The following SLCO4A1 variants were observed in gnomAD, a reference collection of about 807,000 sequenced individuals.
SLCO4A1 encodes the protein colon organic anion transporter.
Under a neutral mutation model 64.6 loss-of-function variants are expected in SLCO4A1, and 51 were observed. That is an observed-to-expected ratio of 0.79 (90% CI 0.63 to 1.00). The LOEUF (loss-of-function observed/expected upper bound fraction) is 1.00. Ranked by LOEUF, SLCO4A1 falls within the 50% of genes least tolerant of loss-of-function variation. The probability of loss-of-function intolerance (pLI) is 0.00; values close to 1 mark genes in which losing one functional copy is unlikely to be tolerated. For synonymous variants in SLCO4A1, 471 were observed against 444.9 expected, an observed-to-expected ratio of 1.06 and a Z score of -0.74; for missense variants, 919 against 980.5, an observed-to-expected ratio of 0.94 and a Z score of 0.84.
chr20:62,668,037 C>T lies in SLCO4A1; in HGVS notation c.1664C>T (p.Pro555Leu). ...GTGTACCGAGACTGTAGCTGTATCCCTCAGAATCTTTCCTCTGGTTTTGGC... is the reference window on the plus strand; with the variant it reads ...GTGTACCGAGACTGTAGCTGTATCCTTCAGAATCTTTCCTCTGGTTTTGGC... ...QKVYRDCSCI[P>L]QNLSSGFGHA... The change falls in exon 9 of 12, where the codon CCT (proline) becomes CTT (leucine). Residue 555 changes from proline (P) to leucine (L), a missense_variant. Pro to Leu is a moderately conservative substitution (Grantham distance 98, BLOSUM62 -3). Coordinates refer to ENST00000217159, the MANE Select transcript of SLCO4A1 (RefSeq NM_016354.4). 1 of 1,614,030 alleles carries T rather than the reference C, an allele frequency of 6.2e-7. No individual in the cohort carries two copies. The highest frequency in any genetic ancestry group is 8.5e-7 in the Non-Finnish European group (1 of 1,180,024).
intron 1 of SLCO4A1, among the ~76,000 whole-genome samples, chr20:62,648,525 C>T (rs1981832306): frequency 6.6e-6 from 1 of 152,046 alleles, no homozygotes. Context: ...GCCGTGTGGC[C>T]GGAGCCCCAG....
At chr20:62,664,256 C>T (rs1985649664) in intron 5 of SLCO4A1, among the ~76,000 whole-genome samples, 1 of 151,974 alleles carries the variant, frequency 6.6e-6, no homozygotes, top group Admixed American at 6.5e-5. Context: ...GTTGAGGCCT[C>T]ACCACCCCCA....
At chr20:62,690,147 G>A (rs1056065037), downstream of SLCO4A1, among the ~76,000 whole-genome samples, 1 of 152,168 alleles carries the variant, frequency 6.6e-6, no homozygotes, top group Non-Finnish European at 1.5e-5. Flanking sequence ...CCCCTCCCTC[G>A]CATCGGCCAC....
rs1473515259 is a variant in SLCO4A1 at position 62,654,381 on chromosome 20, G to A, written c.-96-1978G>A. Among the ~76,000 whole-genome samples, 3 of 152,218 alleles carry A rather than the reference G, an allele frequency of 2.0e-5. No individual in the cohort carries two copies. The East Asian group carries it at 5.8e-4, about 29-fold the overall frequency. ...GTGAACGTGACTGCCCGGGGAACAC[G>A]GGGGGCACCGGTCCGCCCACCCCAG... On this transcript the variant is annotated intron_variant, in intron 1 of 11. Transcript: ENST00000217159.
intron 1 of SLCO4A1, chr20:62,649,344 G>C (rs938078797): frequency 6.6e-6 from 1 of 152,286 alleles, no homozygotes; most frequent in Non-Finnish European, 1.5e-5. Context: ...CCACCCTGGG[G>C]AGGGCCACCC....
At chr20:62,679,854 T>C (rs886702419) in intron 2 of SLCO4A1, among the ~76,000 whole-genome samples, 26 of 152,356 alleles carry the variant, frequency 1.7e-4, no homozygotes, top group Admixed American at 8.5e-4. Context: ...AAAACTCCTC[T>C]GTTAAAACGT....
Position 62,668,509 on chromosome 20 carries a change from T to G in SLCO4A1, c.1844T>G (p.Leu615Arg). The part of the protein sequence containing the change: ...CVRDPQRSFA[L>R]GIQWIVVRIL... The stretch of plus-strand genomic sequence containing the variant: ...CGTGACCCTCAGAGATCCTTTGCCC[T>G]GGGAATCCAGTGGATTGTAGTTAGA... The change falls in exon 10 of 12, where the codon CTG becomes CGG. Residue 615 changes from leucine (L) to arginine (R), a missense_variant. Leu to Arg is a moderately radical substitution (Grantham distance 102). Transcript: ENST00000217159. 1 of 1,613,958 alleles carries G rather than the reference T, an allele frequency of 6.2e-7. No individual in the cohort carries two copies. Among genetic ancestry groups the G allele is most frequent in the Non-Finnish European group, 8.5e-7 (1 of 1,179,968 alleles).
chr20:62,672,115 G>A lies in SLCO4A1; in HGVS notation c.*222G>A. 4.9e-6 allele frequency: 7 copies of A among 1,429,008 alleles called. No homozygotes were observed. Among genetic ancestry groups the A allele is most frequent in the Non-Finnish European group, 6.4e-6 (7 of 1,090,052 alleles). 88.5% of individuals were successfully genotyped at this position (1,429,008 alleles called of 1,614,324 possible). A position where few individuals can be genotyped will look rare whatever the true frequency, so the allele number is the denominator to read the frequency against. ...ATATATATTTATGGACACACAGTTTGCATCAGAACGTGTTTATAGAATGTG... is the reference window on the plus strand; with the variant it reads ...ATATATATTTATGGACACACAGTTTACATCAGAACGTGTTTATAGAATGTG... On this transcript the variant is annotated 3_prime_UTR_variant, in exon 12 of 12. Coordinates refer to ENST00000217159, the MANE Select transcript of SLCO4A1 (RefSeq NM_016354.4).
At position 62,664,988 on chromosome 20, in the gene SLCO4A1, G is replaced by A. The variant is rs1159559281; in HGVS notation, c.1176G>A (p.Gly392=). The A allele has an allele frequency of 6.2e-7, 1 of 1,613,784 alleles. No homozygotes were observed. The highest frequency in any genetic ancestry group is 1.1e-5 in the South Asian group (1 of 91,064). ...CGTTCATCCTGCTCTGCCTGGCCGGGGCCACCGAGGCCACTCTCATCACCG... is the reference window on the plus strand; with the variant it reads ...CGTTCATCCTGCTCTGCCTGGCCGGAGCCACCGAGGCCACTCTCATCACCG... ...NPTFILLCLA[G]ATEATLITGM... The change falls in exon 6 of 12, where the codon GGG becomes GGA. Residue 392 remains glycine (G), a synonymous_variant. Coordinates refer to ENST00000217159, the MANE Select transcript of SLCO4A1 (RefSeq NM_016354.4).
chr20:62,682,169 AG>A (rs1206913160), intron 2 of SLCO4A1, among the ~76,000 whole-genome samples: 1 of 152,206 alleles, frequency 6.6e-6, no homozygotes, highest in Non-Finnish European at 1.5e-5. Context: ...TTAGCTTGTC[AG>A]GGGCAGATAA....
At chr20:62,658,255 G>A (rs1191873270) in intron 2 of SLCO4A1, among the ~76,000 whole-genome samples, 1 of 152,242 alleles carries the variant, frequency 6.6e-6, no homozygotes, top group South Asian at 2.1e-4. Context: ...TCACTCCAGC[G>A]AGGGGACGTC....
chr20:62,674,459 G>T (rs1390254295), downstream of SLCO4A1, among the ~76,000 whole-genome samples: 3 of 152,364 alleles, frequency 2.0e-5, no homozygotes, highest in South Asian at 4.1e-4. Flanking sequence ...GGGAAAGGGG[G>T]GAAGAGCCCA....
chr20:62,667,644 G>T (rs1023618603), intron 7 of SLCO4A1, 101 bp from the exon 8 acceptor site: 2 of 1,398,128 alleles, frequency 1.4e-6, no homozygotes, highest in East Asian at 2.3e-5. Flanking sequence ...GACCCGAAAT[G>T]CAGGCTGCAT....
chr20:62,657,505 A>C (rs528388044), intron 2 of SLCO4A1, among the ~76,000 whole-genome samples: 35 of 152,310 alleles, frequency 2.3e-4, no homozygotes, highest in African/African-American at 8.2e-4. Context: ...CCTCAGTGCA[A>C]CCCCTGCGTG....
In SLCO4A1 at chr20:62,660,496, C is replaced by A. The variant is rs372932311; in HGVS notation, c.972C>A (p.Thr324=). The A allele has an allele frequency of 8.1e-6, 13 of 1,605,436 alleles. No individual in the cohort carries two copies. Among genetic ancestry groups the A allele is most frequent in the African/African-American group, 2.7e-5 (2 of 74,894 alleles). Residue 324 remains threonine, a synonymous_variant, in exon 4 of 12, where the codon ACC becomes ACA. Transcript: ENST00000217159. ...FLGSGAAAFF[T]AVPILGYPRQ... ...GCTCTGGGGCCGCTGCTTTCTTCAC[C>A]GCCGTTCCCATCCTTGGTTACCCTC...
At chr20:62,652,421 C>T (rs979118921) in intron 1 of SLCO4A1, among the ~76,000 whole-genome samples, 8 of 152,286 alleles carry the variant, frequency 5.3e-5, no homozygotes, top group Admixed American at 2.0e-4. Context: ...CGGCGGCCGG[C>T]GGCCGGTGGA....
chr20:62,660,575 T>C (rs1325345613), intron 4 of SLCO4A1, 42 bp downstream of exon 4: 1 of 1,597,038 alleles, frequency 6.3e-7, no homozygotes. Context: ...ATTGGGAGAC[T>C]GTCCCTTAGT....
At chr20:62,664,778 C>A (rs1985765309) in intron 5 of SLCO4A1, 156 bp from the exon 6 acceptor site, 3 of 854,758 alleles carry the variant, frequency 3.5e-6, no homozygotes, top group African/African-American at 1.7e-5. Flanking sequence ...ACAGCAGGTT[C>A]CTCCCACCCT....
downstream of SLCO4A1, among the ~76,000 whole-genome samples, chr20:62,689,535 C>T (rs1280153884): frequency 1.3e-5 from 2 of 152,212 alleles, no homozygotes; most frequent in African/African-American, 2.4e-5. Flanking sequence ...CAGGTCCCTA[C>T]GGGGGACGTG....
Sources: gnomAD v4.1 joint callset for allele counts (sites outside exome capture counted in the v4.1 genomes callset) on GRCh38, gnomAD v4.1.1 for gene constraint, MANE v1.5 for transcripts, NCBI Gene and HGNC (gene_info 2026-07-23, HGNC 2026-07-21) for gene names.